The following TTLL3 variants were observed in gnomAD, a reference collection of about 807,000 sequenced individuals.
The protein encoded by TTLL3 is tubulin monoglycylase TTLL3.
Under a neutral mutation model 75.2 loss-of-function variants are expected in TTLL3, and 63 were observed. The ratio of observed to expected loss-of-function variants is 0.84; its 90% CI spans 0.68 to 1.03. The LOEUF (loss-of-function observed/expected upper bound fraction) is 1.03. Among genes scored for constraint, TTLL3 ranks in the 50% least tolerant of loss-of-function variants. TTLL3 has a pLI of 0.00. For missense variants in TTLL3, 997 were observed against 1,069.9 expected, an observed-to-expected ratio of 0.93 and a Z score of 0.95; for synonymous variants, 393 against 418.5, an observed-to-expected ratio of 0.94 and a Z score of 0.74.
chr3:9,828,630 G>A (rs1170260377), intron 10 of TTLL3: 7 of 320,714 alleles, frequency 2.2e-5, no homozygotes, highest in Admixed American at 1.4e-4. Flanking sequence ...GCTTGAACAC[G>A]TCCTGGCGAT....
chr3:9,817,322 G>T (rs1245404054), intron 5 of TTLL3: 2 of 553,778 alleles, frequency 3.6e-6, no homozygotes, highest in East Asian at 2.9e-4. Context: ...TACTCTGGAG[G>T]CCGAGGCAGG....
Position 9,834,603 on chromosome 3 carries a change from C to A in TTLL3, c.1826-78C>A. The A allele has an allele frequency of 1.9e-6, 3 of 1,586,124 alleles. No homozygotes were observed. In the South Asian group the frequency reaches 3.4e-5, roughly 18 times the overall value. On this transcript the variant is annotated intron_variant, in intron 12 of 13. Transcript: ENST00000685419. ...CCCATTCCCTCCATATCCCCCCATC[C>A]TCCACACGTACCTGTTAGGGCAGCT...
chr3:9,834,680 G>T lies in TTLL3; in HGVS notation c.1826-1G>T. On this transcript the variant is annotated splice_acceptor_variant, in intron 12 of 13. Coordinates refer to ENST00000685419, the MANE Select transcript of TTLL3 (RefSeq NM_001387446.1). LOFTEE classifies it high-confidence loss of function. ...CCTCACAGCTTCTCTTGCTCCCACAGCCCGTCACCACTTCCCCAGCCTCCA... is the reference window on the plus strand; with the variant it reads ...CCTCACAGCTTCTCTTGCTCCCACATCCCGTCACCACTTCCCCAGCCTCCA... The T allele has an allele frequency of 6.2e-7, 1 of 1,613,966 alleles. No homozygotes were observed. Among genetic ancestry groups the T allele is most frequent in the Non-Finnish European group, 8.5e-7 (1 of 1,179,986 alleles).
rs1261039254 is a variant in TTLL3, at chr3:9,810,440, G to A, written c.-42+46G>A. 2.1e-6 allele frequency: 3 copies of A among 1,426,060 alleles called. No individual in the cohort carries two copies. The highest frequency in any genetic ancestry group is 2.7e-6 in the Non-Finnish European group (3 of 1,094,752). 88.3% of individuals were successfully genotyped at this position (1,426,060 alleles called of 1,614,324 possible). ...TCGCTCTGGCCTACAGCGGCTGCGA[G>A]GACGACAAGACGCTGGGGTGGAGGG... On this transcript the variant is annotated intron_variant, in intron 1 of 13. Transcript: ENST00000685419. This position sits in a 1 kb window ranked among gnomAD's most constrained non-coding sequence, Gnocchi z 4.4.
rs769337263 is a variant in TTLL3 at position 9,834,803 on chromosome 3, A to G, written c.1948A>G (p.Thr650Ala). The G allele has an allele frequency of 2.5e-6, 4 of 1,614,050 alleles. No homozygotes were observed. The highest frequency in any genetic ancestry group is 3.4e-6 in the Non-Finnish European group (4 of 1,179,998). Residue 650 changes from threonine (T) to alanine (A), a missense_variant, in exon 13 of 14, where the codon ACC (threonine) becomes GCC (alanine). Physicochemically the swap from Thr to Ala is moderately conservative, Grantham distance 58. Transcript: ENST00000685419. ...GCTGGTGGGCACTAAGGCCCTGTCGACCACAGGCAAGGCCTTGAGGACTCT... is the reference window on the plus strand; with the variant it reads ...GCTGGTGGGCACTAAGGCCCTGTCGGCCACAGGCAAGGCCTTGAGGACTCT... ...SKLVGTKALS[T>A]TGKALRTLPT... is the part of the protein sequence containing the mutation.
intron 5 of TTLL3, among the ~76,000 whole-genome samples, chr3:9,816,821 C>T (rs2079914486): frequency 6.6e-6 from 1 of 152,046 alleles, no homozygotes; most frequent in Non-Finnish European, 1.5e-5. Flanking sequence ...TAGCAAGTGA[C>T]TTCACCTCTC....
chr3:9,825,357 CG>C (rs953105673), intron 8 of TTLL3: 9 of 162,038 alleles, frequency 5.6e-5, no homozygotes, highest in Admixed American at 3.6e-4. Flanking sequence ...AAAAAAAAGT[CG>C]GGGGGTAGGG....
chr3:9,828,853 A>G, intron 10 of TTLL3, 107 bp from the exon 11 acceptor site: 1 of 1,415,488 alleles, frequency 7.1e-7, no homozygotes. Context: ...CTCAAGTTGA[A>G]TAGTGCAGGG....
intron 8 of TTLL3, 152 bp downstream of exon 8, chr3:9,820,893 G>C: frequency 7.5e-7 from 1 of 1,333,398 alleles, no homozygotes; most frequent in Non-Finnish European, 9.9e-7. Context: ...CACTGCCTCC[G>C]TGATAGGGTC....
chr3:9,835,600 C>G lies in TTLL3; in HGVS notation c.*111C>G. The G allele has an allele frequency of 9.2e-7, 1 of 1,081,582 alleles. No homozygotes were observed. Among genetic ancestry groups the G allele is most frequent in the Non-Finnish European group, 1.3e-6 (1 of 761,944 alleles). The allele number at this position is 1,081,582 out of a possible 1,614,324, so 67.0% of individuals were successfully genotyped here. The stretch of plus-strand genomic sequence containing the variant: ...GCATCTCCGATCCAGGGGTGGGGAG[C>G]GTGAGCCTTCACTTTACAGATGAAG... On this transcript the variant is annotated 3_prime_UTR_variant, in exon 14 of 14. Coordinates refer to ENST00000685419, the MANE Select transcript of TTLL3 (RefSeq NM_001387446.1).
chr3:9,818,893 A>C lies in TTLL3; in HGVS notation c.631A>C (p.Ile211Leu). 6.2e-7 allele frequency: 1 copy of C among 1,614,090 alleles called. No homozygotes were observed. The highest frequency in any genetic ancestry group is 8.5e-7 in the Non-Finnish European group (1 of 1,180,004). ...VVKSEWKSYP[I>L]QAVEEEASGD... ...GAAGTCTGAGTGGAAGTCATACCCT[A>C]TTCAGGCAGTAGAGGAAGAGGCCTC... The change falls in exon 7 of 14, where the codon ATT becomes CTT. Residue 211 changes from isoleucine (I) to leucine (L), a missense_variant. Ile to Leu is a conservative substitution (Grantham distance 5). Coordinates refer to ENST00000685419, the MANE Select transcript of TTLL3 (RefSeq NM_001387446.1).
intron 5 of TTLL3, 25 bp downstream of exon 5, chr3:9,816,227 G>A: frequency 7.5e-7 from 1 of 1,338,124 alleles, no homozygotes; most frequent in East Asian, 4.8e-5. Context: ...GGAGCAGGCA[G>A]GGCAGCTTCC....
chr3:9,820,309 A>G, intron 7 of TTLL3: 1 of 1,366,462 alleles, frequency 7.3e-7, no homozygotes, highest in East Asian at 2.8e-5. Context: ...GGGGACATTT[A>G]GGGCAGAGCC....
intron 8 of TTLL3, among the ~76,000 whole-genome samples, chr3:9,822,744 TTATAA>T (rs397965556): frequency 1.4e-5 from 2 of 141,378 alleles, no homozygotes; most frequent in Non-Finnish European, 3.0e-5. Flanking sequence ...ATTATATATA[TTATAA>T]TATATATAAT....
At chr3:9,809,955 C>CCGAGGGGCGCGGGATCAGGGGCCCTG, upstream of TTLL3, 5 of 156,772 alleles carry the variant, frequency 3.2e-5, no homozygotes, top group South Asian at 8.0e-4. Flanking sequence ...GGCGGCGACG[C>CCGAGGGGCGCGGGATCAGGGGCCCTG]GGAGGGGCGC....
chr3:9,824,471 C>T (rs148309678), intron 8 of TTLL3, among the ~76,000 whole-genome samples: 77 of 152,262 alleles, frequency 5.1e-4, no homozygotes, highest in African/African-American at 1.7e-3. Flanking sequence ...AGTGCAATGG[C>T]GCGATCTCGG....
At chr3:9,814,265 G>A (rs1480621383) in intron 4 of TTLL3, among the ~76,000 whole-genome samples, 1 of 152,096 alleles carries the variant, frequency 6.6e-6, no homozygotes, top group African/African-American at 2.4e-5. Context: ...GAACCCAGGA[G>A]GTGGAAGTTG....
chr3:9,833,005 T>C lies in TTLL3; in HGVS notation c.1684-99T>C, dbSNP rs2081710689. ...AGAAACGCCTCTTTGACCAGGTGCC[T>C]CAGAAAGTAATTCCACCCATCTCTA... is the stretch of plus-strand genomic sequence containing the variant. On this transcript the variant is annotated intron_variant, in intron 11 of 13. Transcript: ENST00000685419. 8 of 1,468,066 alleles carry C rather than the reference T, an allele frequency of 5.4e-6. No homozygotes were observed. In the East Asian group the frequency reaches 1.8e-4, roughly 34 times the overall value. The allele number at this position is 1,468,066 out of a possible 1,614,324, so 90.9% of individuals were successfully genotyped here. A position where few individuals can be genotyped will look rare whatever the true frequency, so the allele number is the denominator to read the frequency against.
Position 9,834,681 on chromosome 3 carries a change from C to T in TTLL3, c.1826C>T (p.Ala609Val). Residue 609 changes from alanine to valine, a missense_variant and splice_region_variant, in exon 13 of 14, where the codon GCC (alanine) becomes GTC (valine). Coordinates refer to ENST00000685419, the MANE Select transcript of TTLL3 (RefSeq NM_001387446.1). ...PLLTQRGSGE[A>V]RHHFPSLHTK... Reference sequence around the variant, plus strand: ...CTCACAGCTTCTCTTGCTCCCACAGCCCGTCACCACTTCCCCAGCCTCCAC... The same window carrying T: ...CTCACAGCTTCTCTTGCTCCCACAGTCCGTCACCACTTCCCCAGCCTCCAC... The T allele has an allele frequency of 6.2e-7, 1 of 1,614,086 alleles. No homozygotes were observed. Among genetic ancestry groups the T allele is most frequent in the Non-Finnish European group, 8.5e-7 (1 of 1,180,004 alleles).
Sources: allele counts gnomAD v4.1 joint callset (sites outside exome capture counted in the v4.1 genomes callset), GRCh38; gene constraint gnomAD v4.1.1; non-coding constraint Gnocchi (gnomAD v3.1); transcripts MANE v1.5; gene names NCBI Gene and HGNC (gene_info 2026-07-23, HGNC 2026-07-21).